The following CASTOR2 variants were observed in gnomAD, a reference collection of about 807,000 sequenced individuals.
CASTOR2 encodes GATS protein like 2.
Under a neutral mutation model 31.2 loss-of-function variants are expected in CASTOR2, and 8 were observed. The ratio of observed to expected loss-of-function variants is 0.26; its 90% CI spans 0.15 to 0.46. The LOEUF (loss-of-function observed/expected upper bound fraction) is 0.46, where lower values mean the gene tolerates loss of function less well. Among genes scored for constraint, CASTOR2 ranks in the 20% least tolerant of loss-of-function variants. The pLI, the probability that CASTOR2 is intolerant of heterozygous loss-of-function variation, is 0.99. For synonymous variants in CASTOR2, 162 were observed against 158.7 expected (o/e 1.02, Z -0.16); for missense variants, 216 against 382.1 (o/e 0.57, Z 3.62).
Position 75,024,874 on chromosome 7 carries a change from C to A in CASTOR2, c.*175C>A. The A allele has an allele frequency of 6.8e-7, 1 of 1,465,676 alleles. No individual in the cohort carries two copies. The highest frequency in any genetic ancestry group is 9.3e-7 in the Non-Finnish European group (1 of 1,079,838). The allele number at this position is 1,465,676 out of a possible 1,614,324, so 90.8% of individuals were successfully genotyped here. A position where few individuals can be genotyped will look rare whatever the true frequency, so the allele number is the denominator to read the frequency against. The stretch of plus-strand genomic sequence containing the variant: ...TCCAGGGCAGGGGCCCACGCCAAGG[C>A]CTCTCCATGCCCTCCTGCCTTCCCG... On this transcript the variant is annotated 3_prime_UTR_variant, in exon 9 of 9. Transcript: ENST00000616305.
chr7:74,994,354 G>A (rs1393762472), intron 1 of CASTOR2, among the ~76,000 whole-genome samples: 1 of 152,224 alleles, frequency 6.6e-6, no homozygotes, highest in Non-Finnish European at 1.5e-5. Flanking sequence ...GGGACCAGCT[G>A]CGACCTGGAT....
chr7:75,009,158 CT>C (rs1321950698), intron 2 of CASTOR2, among the ~76,000 whole-genome samples: 2 of 149,844 alleles, frequency 1.3e-5, no homozygotes, highest in African/African-American at 4.9e-5. Context: ...GAGATTCACC[CT>C]GTTGGCCAGG....
intron 1 of CASTOR2, among the ~76,000 whole-genome samples, chr7:74,975,009 C>G (rs1294228574): frequency 3.3e-5 from 5 of 150,792 alleles, no homozygotes; most frequent in Non-Finnish European, 7.4e-5. Flanking sequence ...CACTCTGTTG[C>G]CCAGGCTGGA....
At chr7:75,023,053 A>G (rs1805041946) in intron 7 of CASTOR2, among the ~76,000 whole-genome samples, 1 of 152,222 alleles carries the variant, frequency 6.6e-6, no homozygotes. Flanking sequence ...TTACGCCTGT[A>G]ATCCCAGCAC....
chr7:75,027,754 C>G lies in CASTOR2; in HGVS notation c.*3055C>G, dbSNP rs1370649291. The G allele has an allele frequency of 2.0e-5, 10 of 491,000 alleles. No homozygotes were observed. Among genetic ancestry groups the G allele is most frequent in the African/African-American group, 1.8e-4 (9 of 50,060 alleles). The allele number at this position is 491,000 out of a possible 1,614,324, so 30.4% of individuals were successfully genotyped here. On this transcript the variant is annotated 3_prime_UTR_variant, in exon 9 of 9. Transcript: ENST00000616305. The stretch of plus-strand genomic sequence containing the variant: ...AGGGGGCCCCTTTAGTTTTCCCATC[C>G]CCATCCTGCTCGTGTAAAGCTTGGT...
chr7:74,993,483 C>T lies in CASTOR2; in HGVS notation c.114-14511C>T, dbSNP rs1296534342. Among the ~76,000 whole-genome samples the T allele has an allele frequency of 3.2e-5, 4 of 125,384 alleles. No individual in the cohort carries two copies. The East Asian group carries it at 1.0e-3, about 31-fold the overall frequency. 82.3% of individuals were successfully genotyped at this position (125,384 alleles called of 152,430 possible). A position where few individuals can be genotyped will look rare whatever the true frequency, so the allele number is the denominator to read the frequency against. On this transcript the variant is annotated intron_variant, in intron 1 of 8. Coordinates refer to ENST00000616305, the MANE Select transcript of CASTOR2 (RefSeq NM_001145064.3). The stretch of plus-strand genomic sequence containing the variant: ...TTTTTTTTTTTGAGAGCGAGTCTCA[C>T]TGTGTCACCCAGGCTGGAGTGCAGT...
rs1356778958 is a variant in CASTOR2 at position 74,992,282 on chromosome 7, AAG to A, written c.114-15711_114-15710del. ...CTAAAGATGATCTATTCCATGCTAA[AAG>A]TCTTTCCCCTTAAGATGCTAATCAA... On this transcript the variant is annotated intron_variant, in intron 1 of 8. Coordinates refer to ENST00000616305, the MANE Select transcript of CASTOR2 (RefSeq NM_001145064.3). Among the ~76,000 whole-genome samples the A allele has an allele frequency of 3.4e-3, 511 of 152,158 alleles. 5 individuals are homozygous for A. Among genetic ancestry groups the A allele is most frequent in the African/African-American group, 0.012 (487 of 41,502 alleles).
intron 2 of CASTOR2, among the ~76,000 whole-genome samples, chr7:75,015,545 T>C (rs1804845052): frequency 6.6e-6 from 1 of 152,146 alleles, no homozygotes; most frequent in African/African-American, 2.4e-5. Context: ...CCCAAAGCAG[T>C]GGGAGTACGG....
chr7:75,019,086 A>G lies in CASTOR2; in HGVS notation c.626A>G (p.Tyr209Cys). The change falls in exon 5 of 9, where the codon TAC (tyrosine) becomes TGC (cysteine). Residue 209 changes from tyrosine to cysteine, a missense_variant. Coordinates refer to ENST00000616305, the MANE Select transcript of CASTOR2 (RefSeq NM_001145064.3). ...ACACTCCTCATGGATGTCATGTTCT[A>G]CTCCAATGGGTAGGGCTGCCTTGGG... ...VATLLMDVMF[Y>C]SNGVKDPMAT... 1 of 1,551,580 alleles carries G rather than the reference A, an allele frequency of 6.4e-7. No homozygotes were observed. The highest frequency in any genetic ancestry group is 8.7e-7 in the Non-Finnish European group (1 of 1,146,978).
Position 75,029,257 on chromosome 7 carries a change from T to C in CASTOR2, c.*4558T>C, listed in dbSNP as rs1353027746. On this transcript the variant is annotated 3_prime_UTR_variant, in exon 9 of 9. Coordinates refer to ENST00000616305, the MANE Select transcript of CASTOR2 (RefSeq NM_001145064.3). ...GTCCTAAGGCCACCCTGGGCCCCTTTCTGAGCCTAGAGATCTGGATGTGGT... is the reference window on the plus strand; with the variant it reads ...GTCCTAAGGCCACCCTGGGCCCCTTCCTGAGCCTAGAGATCTGGATGTGGT... 6.6e-6 allele frequency among the ~76,000 whole-genome samples: 1 copy of C among 152,174 alleles called. No homozygotes were observed. Among genetic ancestry groups the C allele is most frequent in the Non-Finnish European group, 1.5e-5 (1 of 68,024 alleles).
intron 1 of CASTOR2, among the ~76,000 whole-genome samples, chr7:75,003,216 G>A (rs1225627530): frequency 6.6e-6 from 1 of 152,202 alleles, no homozygotes; most frequent in Non-Finnish European, 1.5e-5. Context: ...GGAGGCCAAG[G>A]CAGAAGGATC....
At chr7:74,992,057 C>T (rs1300701067) in intron 1 of CASTOR2, among the ~76,000 whole-genome samples, 6 of 151,900 alleles carry the variant, frequency 3.9e-5, no homozygotes, top group Non-Finnish European at 7.4e-5. Context: ...AGGGGTCAAT[C>T]GAAGAGGGCT....
chr7:75,003,726 G>A (rs1307352190), intron 1 of CASTOR2, among the ~76,000 whole-genome samples: 3 of 151,852 alleles, frequency 2.0e-5, no homozygotes, highest in South Asian at 2.1e-4. Flanking sequence ...CTCAGCCTGG[G>A]TAACAGAGCG....
intron 1 of CASTOR2, among the ~76,000 whole-genome samples, chr7:74,976,534 C>CCTCCTA (rs1376852133): frequency 5.6e-4 from 1 of 1,794 alleles, no homozygotes; most frequent in African/African-American, 1.3e-3. Context: ...GACCCTGTCT[C>CCTCCTA]CTCCTCCTCC....
At position 75,024,926 on chromosome 7, in the gene CASTOR2, C is replaced by G. The variant is rs1805086890; in HGVS notation, c.*227C>G. ...AGCCCCCCGACCCTCCAGAGAACGA[C>G]CTTTCTCTTCCCTACCTCCCCCACC... is the stretch of plus-strand genomic sequence containing the variant. On this transcript the variant is annotated 3_prime_UTR_variant, in exon 9 of 9. Transcript: ENST00000616305. 9.8e-7 allele frequency: 1 copy of G among 1,019,782 alleles called. No individual in the cohort carries two copies. The highest frequency in any genetic ancestry group is 1.4e-6 in the Non-Finnish European group (1 of 700,922). 63.2% of individuals were successfully genotyped at this position (1,019,782 alleles called of 1,614,324 possible). A position where few individuals can be genotyped will look rare whatever the true frequency, so the allele number is the denominator to read the frequency against.
At chr7:74,987,217 C>T (rs1242721514) in intron 1 of CASTOR2, among the ~76,000 whole-genome samples, 1 of 151,962 alleles carries the variant, frequency 6.6e-6, no homozygotes, top group Non-Finnish European at 1.5e-5. Flanking sequence ...CCAGCCTGGC[C>T]AACATGGTGA....
At chr7:74,992,120 A>G (rs1191347047) in intron 1 of CASTOR2, among the ~76,000 whole-genome samples, 2 of 151,982 alleles carry the variant, frequency 1.3e-5, no homozygotes, top group African/African-American at 4.8e-5. Flanking sequence ...CAGCAGGTAG[A>G]CACCAGGAAG....
chr7:74,990,963 T>C (rs1348366206), intron 1 of CASTOR2, among the ~76,000 whole-genome samples: 3 of 150,490 alleles, frequency 2.0e-5, no homozygotes, highest in Non-Finnish European at 2.9e-5. Flanking sequence ...GCACCTGTAG[T>C]CCCAGCTACT....
At chr7:74,993,003 A>T (rs1804248551) in intron 1 of CASTOR2, among the ~76,000 whole-genome samples, 1 of 151,756 alleles carries the variant, frequency 6.6e-6, no homozygotes, top group African/African-American at 2.4e-5. Context: ...GATCAAGACT[A>T]TCCTGGCCAA....
Sources: gnomAD v4.1 joint callset for allele counts (sites outside exome capture counted in the v4.1 genomes callset) on GRCh38, gnomAD v4.1.1 for gene constraint, MANE v1.5 for transcripts, NCBI Gene and HGNC (gene_info 2026-07-23, HGNC 2026-07-21) for gene names.